The following SLC29A3 variants were observed in gnomAD, a reference collection of about 807,000 sequenced individuals.
The protein encoded by SLC29A3 is solute carrier family 29 member 3.
SLC29A3 carries 18 observed loss-of-function variants against 25.4 expected under a neutral mutation model. The ratio of observed to expected loss-of-function variants is 0.71; its 90% CI spans 0.49 to 1.05. The LOEUF (loss-of-function observed/expected upper bound fraction) is 1.05, where lower values mean the gene tolerates loss of function less well. SLC29A3 is among the 50% of genes least tolerant of loss of function. The probability of loss-of-function intolerance (pLI) is 0.00; values close to 1 mark genes in which losing one functional copy is unlikely to be tolerated. For missense variants in SLC29A3, 586 were observed against 609.0 expected (o/e 0.96, Z 0.40); for synonymous variants, 258 against 267.1 (o/e 0.97, Z 0.33).
Position 71,348,251 on chromosome 10 carries a change from A to T in SLC29A3, c.384-3311A>T, listed in dbSNP as rs1170614725. The stretch of plus-strand genomic sequence containing the variant: ...CCTTTGCAGCGCGCCTCATCTTTCC[A>T]GCCTGGCCTTTGCCTCCTTCTTGCC... On this transcript the variant is annotated intron_variant, in intron 3 of 5. Transcript: ENST00000373189. 2.6e-5 allele frequency among the ~76,000 whole-genome samples: 4 copies of T among 152,340 alleles called. No homozygotes were observed. In the East Asian group the frequency reaches 7.7e-4, roughly 29 times the overall value.
At chr10:71,324,616 A>T (rs1243693255) in intron 2 of SLC29A3, among the ~76,000 whole-genome samples, 1 of 152,206 alleles carries the variant, frequency 6.6e-6, no homozygotes, top group African/African-American at 2.4e-5. Flanking sequence ...ACAAATGCTG[A>T]TGGAAAATGT....
At chr10:71,336,728 C>A (rs1846262896) in intron 2 of SLC29A3, among the ~76,000 whole-genome samples, 1 of 151,848 alleles carries the variant, frequency 6.6e-6, no homozygotes, top group Non-Finnish European at 1.5e-5. Flanking sequence ...AGGAAGAGCC[C>A]TTTTTGCGGA....
chr10:71,340,257 T>C (rs1589229651), intron 2 of SLC29A3, among the ~76,000 whole-genome samples: 2 of 152,278 alleles, frequency 1.3e-5, no homozygotes, highest in Admixed American at 1.3e-4. Context: ...AGGCCCACAT[T>C]GACCCCCAGG....
At chr10:71,360,513 G>A (rs1847028524) in intron 5 of SLC29A3, among the ~76,000 whole-genome samples, 1 of 152,186 alleles carries the variant, frequency 6.6e-6, no homozygotes, top group African/African-American at 2.4e-5. Flanking sequence ...TCTTTTGAAG[G>A]AACTAAACAG....
chr10:71,352,740 G>A (rs901907834), intron 4 of SLC29A3: 2 of 152,248 alleles, frequency 1.3e-5, no homozygotes, highest in Non-Finnish European at 2.9e-5. Flanking sequence ...TGATGTTGAT[G>A]AGCCTGTTCC....
At chr10:71,371,203 G>A (rs1358501958) in intron 3 of SLC29A3, among the ~76,000 whole-genome samples, 7 of 152,172 alleles carry the variant, frequency 4.6e-5, no homozygotes, top group South Asian at 2.1e-4. Context: ...AAGCCCCCAC[G>A]TTCCTAGCCC....
intron 2 of SLC29A3, among the ~76,000 whole-genome samples, chr10:71,341,454 G>A (rs1055345260): frequency 6.6e-6 from 1 of 152,152 alleles, no homozygotes; most frequent in Non-Finnish European, 1.5e-5. Context: ...AACCCTCTGT[G>A]CCCCTCATGG....
At chr10:71,335,749 G>A (rs1250374755) in intron 2 of SLC29A3, among the ~76,000 whole-genome samples, 1 of 152,118 alleles carries the variant, frequency 6.6e-6, no homozygotes, top group East Asian at 1.9e-4. Flanking sequence ...GATTTGAGGA[G>A]CTTGGGGTTT....
chr10:71,369,364 G>A (rs1277313480), intron 3 of SLC29A3, among the ~76,000 whole-genome samples: 1 of 152,240 alleles, frequency 6.6e-6, no homozygotes, highest in East Asian at 1.9e-4. Flanking sequence ...GAACTTGAGA[G>A]TGATGAAACA....
At chr10:71,344,614 C>A (rs883763) in intron 3 of SLC29A3, among the ~76,000 whole-genome samples, 78,328 of 151,980 alleles carry the variant, frequency 0.52, 22,543 homozygotes, top group Non-Finnish European at 0.66. Context: ...AGTCTGTGGC[C>A]CAGAATGGGT....
rs191585688 is a variant in SLC29A3, at chr10:71,358,352, C to T, written c.773+2109C>T. On this transcript the variant is annotated intron_variant, in intron 5 of 5. Coordinates refer to ENST00000373189, the MANE Select transcript of SLC29A3 (RefSeq NM_018344.6). ...CACTTTCCCCAGCTAAAGGATTCTTCACCGCTTCAGCAGTCCTCAGGGTTC... is the reference window on the plus strand; with the variant it reads ...CACTTTCCCCAGCTAAAGGATTCTTTACCGCTTCAGCAGTCCTCAGGGTTC... 4.1e-3 allele frequency among the ~76,000 whole-genome samples: 629 copies of T among 152,338 alleles called. 19 individuals are homozygous for T. The highest frequency in any genetic ancestry group is 2.7e-3 in the East Asian group (14 of 5,192).
chr10:71,345,883 T>C (rs752333094), intron 3 of SLC29A3, among the ~76,000 whole-genome samples: 2 of 152,238 alleles, frequency 1.3e-5, no homozygotes, highest in Admixed American at 1.3e-4. Context: ...GGCTCACTTA[T>C]GGTTTTATCT....
chr10:71,353,571 G>A (rs1156430934), intron 4 of SLC29A3, among the ~76,000 whole-genome samples: 18 of 152,148 alleles, frequency 1.2e-4, no homozygotes, highest in Non-Finnish European at 5.9e-5. Context: ...GAAAAGTGGG[G>A]AAGTTTAGTA....
chr10:71,324,502 C>T (rs536393438), intron 2 of SLC29A3, among the ~76,000 whole-genome samples: 11 of 152,234 alleles, frequency 7.2e-5, no homozygotes, highest in Non-Finnish European at 1.5e-4. Context: ...GCTCAACTGG[C>T]CCAACAGAAT....
At chr10:71,357,150 C>T (rs1248011159) in intron 5 of SLC29A3, among the ~76,000 whole-genome samples, 1 of 152,082 alleles carries the variant, frequency 6.6e-6, no homozygotes, top group Non-Finnish European at 1.5e-5. Context: ...CACGGTGGCT[C>T]ACGCCTGTAA....
chr10:71,323,039 G>C lies in SLC29A3; in HGVS notation c.285G>C (p.Glu95Asp). 5.6e-6 allele frequency: 9 copies of C among 1,613,406 alleles called. No homozygotes were observed. The highest frequency in any genetic ancestry group is 7.6e-6 in the Non-Finnish European group (9 of 1,180,046). ...GCCCAGCCACCGGGGAGGACCCTGA[G>C]GGCTCAGACATCCTGGTAAGGGCAT... ...SSSPATGEDPEGSDILNYFES... is the reference protein window; with the variant it reads ...SSSPATGEDPDGSDILNYFES... Residue 95 changes from glutamate (E) to aspartate (D), a missense_variant, in exon 2 of 6, where the codon GAG (glutamate) becomes GAC (aspartate). Physicochemically the swap from Glu to Asp is conservative, Grantham distance 45 (BLOSUM62 2). Coordinates refer to ENST00000373189, the MANE Select transcript of SLC29A3 (RefSeq NM_018344.6).
chr10:71,363,000 C>G lies in SLC29A3; in HGVS notation c.*392C>G, dbSNP rs1335080165. The G allele has an allele frequency of 2.1e-6, 1 of 467,322 alleles. No individual in the cohort carries two copies. The allele number at this position is 467,322 out of a possible 1,614,324, so 28.9% of individuals were successfully genotyped here. On this transcript the variant is annotated 3_prime_UTR_variant, in exon 6 of 6. Transcript: ENST00000373189. ...TTGCAACCTCCCAGCTGCGCTCATT[C>G]CAGCTGACAGCGAGATGCAAGCAAA...
At chr10:71,337,528 G>A (rs939443450) in intron 2 of SLC29A3, among the ~76,000 whole-genome samples, 16 of 152,224 alleles carry the variant, frequency 1.1e-4, no homozygotes, top group East Asian at 9.6e-4. Context: ...TTCCTCGCCC[G>A]CCCGGTAGGA....
intron 5 of SLC29A3, among the ~76,000 whole-genome samples, chr10:71,359,836 T>C (rs142312046): frequency 6.6e-6 from 1 of 152,364 alleles, no homozygotes; most frequent in African/African-American, 2.4e-5. Flanking sequence ...TCCCTCTGTT[T>C]GAGCTGCATT....
Sources: gnomAD v4.1 joint callset for allele counts (sites outside exome capture counted in the v4.1 genomes callset) on GRCh38, gnomAD v4.1.1 for gene constraint, MANE v1.5 for transcripts, NCBI Gene and HGNC (gene_info 2026-07-23, HGNC 2026-07-21) for gene names.